The following HERC6 variants were observed in gnomAD, a reference collection of about 807,000 sequenced individuals.
HERC6 encodes HECT and RLD domain containing E3 ubiquitin protein ligase family member 6.
In HERC6, 101 loss-of-function variants were observed where a neutral mutation model predicts 114.5. That is an observed-to-expected ratio of 0.88 (90% CI 0.75 to 1.04). The LOEUF is 1.04. Ranked by LOEUF, HERC6 falls within the 50% of genes least tolerant of loss-of-function variation. The pLI is 0.00. For synonymous variants in HERC6, 408 were observed against 436.2 expected, an observed-to-expected ratio of 0.94 and a Z score of 0.81; for missense variants, 1,133 against 1,230.9, an observed-to-expected ratio of 0.92 and a Z score of 1.19.
rs1174347338 is a variant in HERC6, at chr4:88,380,317, AATAT to A, written c.199+1205_199+1208del. Among the ~76,000 whole-genome samples, 67 of 8,464 alleles carry A rather than the reference AATAT, an allele frequency of 7.9e-3. 12 individuals carry two copies. The highest frequency in any genetic ancestry group is 0.044 in the African/African-American group (49 of 1,108). The allele number at this position is 8,464 out of a possible 152,430, so 5.6% of individuals were successfully genotyped here. A position where few individuals can be genotyped will look rare whatever the true frequency, so the allele number is the denominator to read the frequency against. Reference sequence around the variant, plus strand: ...TATATAAATATATATATAATATATAAATATATATATAATATATAAATATATATAT... The same window carrying A: ...TATATAAATATATATATAATATATAAATATATAATATATAAATATATATAT... On this transcript the variant is annotated intron_variant, in intron 1 of 22. Coordinates refer to ENST00000264346, the MANE Select transcript of HERC6 (RefSeq NM_017912.4).
At chr4:88,404,307 C>A (rs1005914002) in intron 8 of HERC6, among the ~76,000 whole-genome samples, 9 of 151,900 alleles carry the variant, frequency 5.9e-5, no homozygotes, top group Non-Finnish European at 1.5e-5. Flanking sequence ...CCTGCCTCAG[C>A]CTCCCGAGTA....
chr4:88,386,904 C>T (rs547465200), intron 3 of HERC6, among the ~76,000 whole-genome samples: 2 of 152,228 alleles, frequency 1.3e-5, no homozygotes, highest in South Asian at 2.1e-4. Context: ...ATCCTTATGC[C>T]AAAGTAGCAT....
In HERC6 at chr4:88,404,939, A is replaced by G. The variant is rs745705833; in HGVS notation, c.1156A>G (p.Met386Val). Residue 386 changes from methionine to valine, a missense_variant, in exon 9 of 23, where the codon ATG (methionine) becomes GTG (valine). Met to Val is a conservative substitution (Grantham distance 21). Around this residue, in one of 3 missense-constraint regions of HERC6, gnomAD observed 735 missense variants for 754.0 expected, o/e 0.97. Transcript: ENST00000264346. ...LPEISRISQS[M>V]AEKWIAVKRR... ...AGAAATAAGCCGAATTAGCCAGTCCATGGCAGAAAAATGGATAGCAGTGAA... is the reference window on the plus strand; with the variant it reads ...AGAAATAAGCCGAATTAGCCAGTCCGTGGCAGAAAAATGGATAGCAGTGAA... 7 of 1,613,730 alleles carry G rather than the reference A, an allele frequency of 4.3e-6. No individual in the cohort carries two copies. The Admixed American group carries it at 8.3e-5, about 19-fold the overall frequency.
At chr4:88,395,696 TA>T (rs1212229801) in intron 5 of HERC6, among the ~76,000 whole-genome samples, 72 of 151,982 alleles carry the variant, frequency 4.7e-4, no homozygotes, top group African/African-American at 1.7e-3. Context: ...TTTTTTTTTT[TA>T]AATTTGTGTA....
intron 1 of HERC6, among the ~76,000 whole-genome samples, chr4:88,380,177 TATATAAATATATATATA>T (rs1190293349): frequency 9.2e-5 from 2 of 21,832 alleles, no homozygotes; most frequent in East Asian, 2.6e-3. Context: ...ATATATATAA[TATATAAATATATATATA>T]ATATAAATAT....
chr4:88,426,013 T>TA (rs1156411501), intron 15 of HERC6, among the ~76,000 whole-genome samples: 2 of 152,194 alleles, frequency 1.3e-5, no homozygotes, highest in Admixed American at 1.3e-4. Context: ...ATTCCCTTTT[T>TA]ATACCCCGCT....
intron 18 of HERC6, among the ~76,000 whole-genome samples, chr4:88,436,509 G>A (rs1738762954): frequency 6.6e-6 from 1 of 152,164 alleles, no homozygotes; most frequent in African/African-American, 2.4e-5. Flanking sequence ...ACTGTCCTGG[G>A]CATTGTGGGA....
intron 3 of HERC6, among the ~76,000 whole-genome samples, chr4:88,386,364 C>T (rs1220065412): frequency 6.6e-6 from 1 of 151,882 alleles, no homozygotes; most frequent in African/African-American, 2.4e-5. Context: ...CGCCACCATG[C>T]CCGGCTAATT....
At chr4:88,420,761 G>T (rs1736964296) in intron 13 of HERC6, among the ~76,000 whole-genome samples, 1 of 152,060 alleles carries the variant, frequency 6.6e-6, no homozygotes, top group Non-Finnish European at 1.5e-5. Flanking sequence ...GTGAGACCTT[G>T]TCTCTATTTT....
intron 3 of HERC6, among the ~76,000 whole-genome samples, chr4:88,390,349 T>C (rs193257803): frequency 1.3e-5 from 2 of 152,242 alleles, no homozygotes; most frequent in East Asian, 3.9e-4. Flanking sequence ...GACTATATAG[T>C]TAATAATAGT....
chr4:88,428,507 G>T, intron 15 of HERC6, 73 bp from the exon 16 acceptor site: 1 of 1,112,776 alleles, frequency 9.0e-7, no homozygotes, highest in Non-Finnish European at 1.3e-6. Context: ...AATGTTTATT[G>T]GAAGTATTAA....
In HERC6 at chr4:88,394,428, G is replaced by A. The variant is rs543294573; in HGVS notation, c.759+846G>A. Among the ~76,000 whole-genome samples the A allele has an allele frequency of 4.0e-4, 54 of 136,106 alleles. 1 individual carries two copies. In the Middle Eastern group the frequency reaches 0.041, roughly 104 times the overall value. The allele number at this position is 136,106 out of a possible 152,430, so 89.3% of individuals were successfully genotyped here. A position where few individuals can be genotyped will look rare whatever the true frequency, so the allele number is the denominator to read the frequency against. Reference sequence around the variant, plus strand: ...TCAGAGGTTGCAGTGAGCCAAGATCGTGCCACTGCACTCCAGCCTGGTTGA... The same window carrying A: ...TCAGAGGTTGCAGTGAGCCAAGATCATGCCACTGCACTCCAGCCTGGTTGA... On this transcript the variant is annotated intron_variant, in intron 5 of 22. Transcript: ENST00000264346.
intron 8 of HERC6, among the ~76,000 whole-genome samples, chr4:88,404,193 C>CTTTTTTTTTTTTT (rs202005015): frequency 7.3e-6 from 1 of 137,128 alleles, no homozygotes. Flanking sequence ...AATTTCATTT[C>CTTTTTTTTTTTTT]TTTTTTTTTT....
chr4:88,386,510 A>G (rs1016614114), intron 3 of HERC6, among the ~76,000 whole-genome samples: 2 of 151,944 alleles, frequency 1.3e-5, no homozygotes, highest in African/African-American at 4.8e-5. Context: ...CCGGTCCCCA[A>G]TTTATATTAA....
chr4:88,382,059 A>G (rs1734353424), intron 1 of HERC6, among the ~76,000 whole-genome samples: 1 of 152,080 alleles, frequency 6.6e-6, no homozygotes, highest in Non-Finnish European at 1.5e-5. Context: ...TTAACCCCAA[A>G]TTGTTCTCTA....
chr4:88,405,494 A>G, intron 9 of HERC6, 60 bp from the exon 10 acceptor site: 1 of 876,658 alleles, frequency 1.1e-6, no homozygotes, highest in South Asian at 2.0e-5. Context: ...ACATAATAAG[A>G]TTTTCAAAAG....
intron 4 of HERC6, 24 bp from the exon 5 acceptor site, chr4:88,393,464 A>C: frequency 6.1e-6 from 9 of 1,466,122 alleles, no homozygotes; most frequent in Non-Finnish European, 8.5e-6. Context: ...CTTATACTCT[A>C]GAGATTCTGC....
chr4:88,423,838 C>T (rs1251696901), intron 13 of HERC6, 22 bp from the exon 14 acceptor site: 1 of 1,103,968 alleles, frequency 9.1e-7, no homozygotes, highest in Admixed American at 3.0e-5. Flanking sequence ...AAATGAAATT[C>T]ACAGGTCATA....
chr4:88,397,387 C>T (rs1304918051), intron 7 of HERC6, among the ~76,000 whole-genome samples: 1 of 152,016 alleles, frequency 6.6e-6, no homozygotes, highest in Non-Finnish European at 1.5e-5. Context: ...GCTGGGATTA[C>T]AGGCATGAGC....
Sources: allele counts gnomAD v4.1 joint callset (sites outside exome capture counted in the v4.1 genomes callset), GRCh38; gene constraint gnomAD v4.1.1; regional missense constraint gnomAD v4.1.1; transcripts MANE v1.5; gene names NCBI Gene and HGNC (gene_info 2026-07-23, HGNC 2026-07-21).